CAMSAP1: variants seen among roughly 807,000 people sequenced by gnomAD.
The protein encoded by CAMSAP1 is calmodulin-regulated spectrin-associated protein 1.
In CAMSAP1, 58 loss-of-function variants were observed where a neutral mutation model predicts 143.5. The observed-to-expected ratio is 0.40, with a 90% CI of 0.33 to 0.50. The LOEUF (loss-of-function observed/expected upper bound fraction) is 0.50, where lower values mean the gene tolerates loss of function less well. Ranked by LOEUF, CAMSAP1 falls within the 20% of genes least tolerant of loss-of-function variation. The pLI is 0.45. For synonymous variants in CAMSAP1, 945 were observed against 859.3 expected, an observed-to-expected ratio of 1.10 and a Z score of -1.74; for missense variants, 1,969 against 2,115.7, an observed-to-expected ratio of 0.93 and a Z score of 1.36.
chr9:135,886,194 GA>G (rs1166621852), intron 1 of CAMSAP1, among the ~76,000 whole-genome samples: 1 of 152,152 alleles, frequency 6.6e-6, no homozygotes, highest in Non-Finnish European at 1.5e-5. Context: ...ATGTGAGCCA[GA>G]AAATGTACAA....
chr9:135,867,477 CTTTT>C lies in CAMSAP1; in HGVS notation c.586-945_586-942del, dbSNP rs547781628. Among the ~76,000 whole-genome samples the C allele has an allele frequency of 2.5e-3, 342 of 139,548 alleles. 1 individual carries two copies. The highest frequency in any genetic ancestry group is 8.7e-3 in the African/African-American group (325 of 37,490). 91.5% of individuals were successfully genotyped at this position (139,548 alleles called of 152,430 possible). On this transcript the variant is annotated intron_variant, in intron 3 of 16. Coordinates refer to ENST00000389532, the MANE Select transcript of CAMSAP1 (RefSeq NM_015447.4). ...CTAGGCAACACAGCAAGACCCCCCTCTTTTTTTTTTTTAAAAAAAAAGTCTGTAA... is the reference window on the plus strand; with the variant it reads ...CTAGGCAACACAGCAAGACCCCCCTCTTTTTTTTAAAAAAAAAGTCTGTAA...
At chr9:135,814,512 G>A (rs572174273) in intron 16 of CAMSAP1, among the ~76,000 whole-genome samples, 42 of 152,216 alleles carry the variant, frequency 2.8e-4, no homozygotes, top group Admixed American at 6.5e-4. Context: ...CCTAGACCCC[G>A]TGCAGGACCC....
At chr9:135,884,006 C>T (rs993842612) in intron 1 of CAMSAP1, among the ~76,000 whole-genome samples, 1 of 152,236 alleles carries the variant, frequency 6.6e-6, no homozygotes, top group Non-Finnish European at 1.5e-5. Context: ...CTATGCCCCT[C>T]ACACTGTCTC....
intron 7 of CAMSAP1, among the ~76,000 whole-genome samples, chr9:135,842,374 C>A (rs1295513639): frequency 1.3e-5 from 2 of 152,148 alleles, no homozygotes; most frequent in African/African-American, 4.8e-5. Flanking sequence ...CTACGTTTGA[C>A]TGATGTACCT....
At chr9:135,852,352 G>A (rs1836812839) in intron 5 of CAMSAP1, among the ~76,000 whole-genome samples, 1 of 152,086 alleles carries the variant, frequency 6.6e-6, no homozygotes, top group African/African-American at 2.4e-5. Flanking sequence ...ATTTTGATAT[G>A]GTTACATTTA....
chr9:135,867,148 G>C (rs1279218059), intron 3 of CAMSAP1, among the ~76,000 whole-genome samples: 1 of 152,000 alleles, frequency 6.6e-6, no homozygotes, highest in Non-Finnish European at 1.5e-5. Context: ...GCCATGATCA[G>C]ACAAAAAGAC....
chr9:135,897,845 G>A (rs1014994993), intron 1 of CAMSAP1, among the ~76,000 whole-genome samples: 2 of 152,126 alleles, frequency 1.3e-5, no homozygotes, highest in African/African-American at 4.8e-5. Context: ...ATATATTCAG[G>A]CCACAGTTGA....
At position 135,819,093 on chromosome 9, in the gene CAMSAP1, C is replaced by T. The variant is rs1164930697; in HGVS notation, c.3876G>A (p.Leu1292=). The T allele has an allele frequency of 4.4e-6, 7 of 1,603,402 alleles. No individual in the cohort carries two copies. In the South Asian group the frequency reaches 4.5e-5, roughly 10 times the overall value. ...CCTCCTCGGCCTTGCGCTGCTGCTT[C>T]AGGAGGAAGGCCGCCCGCTTCTTGG... ...ELAKKRAAFL[L]KQQRKAEEAR... The change falls in exon 12 of 17, where the codon CTG becomes CTA. Residue 1292 remains leucine, a synonymous_variant. Transcript: ENST00000389532.
chr9:135,906,119 G>A (rs986050967), intron 1 of CAMSAP1, among the ~76,000 whole-genome samples: 3 of 152,200 alleles, frequency 2.0e-5, no homozygotes, highest in African/African-American at 7.2e-5. Flanking sequence ...GTCTAGCTGG[G>A]GCACAGGCCA....
chr9:135,900,416 G>A (rs113355823), intron 1 of CAMSAP1, among the ~76,000 whole-genome samples: 2,761 of 152,140 alleles, frequency 0.018, 92 homozygotes, highest in African/African-American at 0.064. Context: ...AAAGAGGGCC[G>A]GGCACGGTGG....
In CAMSAP1 at chr9:135,818,138, T is replaced by C; in HGVS notation, c.4169-59A>G. 3 of 1,528,832 alleles carry C rather than the reference T, an allele frequency of 2.0e-6. No homozygotes were observed. Among genetic ancestry groups the C allele is most frequent in the Non-Finnish European group, 2.7e-6 (3 of 1,110,616 alleles). The allele number at this position is 1,528,832 out of a possible 1,614,324, so 94.7% of individuals were successfully genotyped here. A position where few individuals can be genotyped will look rare whatever the true frequency, so the allele number is the denominator to read the frequency against. ...ACGGATTCCGACAGACAAGTACCTG[T>C]CCCCTGTACCTGTTCCCCTCACCTC... On this transcript the variant is annotated intron_variant, in intron 13 of 16. Transcript: ENST00000389532. This position sits in a 1 kb window ranked among gnomAD's most constrained non-coding sequence, Gnocchi z 7.7.
At chr9:135,888,986 CAGA>C (rs947156597) in intron 1 of CAMSAP1, among the ~76,000 whole-genome samples, 1 of 152,228 alleles carries the variant, frequency 6.6e-6, no homozygotes, top group African/African-American at 2.4e-5. Context: ...GGCTTCCAGC[CAGA>C]AGGCCAGCAA....
chr9:135,889,885 G>A (rs1292981215), intron 1 of CAMSAP1, among the ~76,000 whole-genome samples: 2 of 152,136 alleles, frequency 1.3e-5, no homozygotes, highest in East Asian at 1.9e-4. Context: ...TCCTCTCCCC[G>A]TAAGCTCCCA....
At position 135,860,053 on chromosome 9, in the gene CAMSAP1, AAAT is replaced by A. The variant is rs1450643339; in HGVS notation, c.808+2411_808+2413del. On this transcript the variant is annotated intron_variant, in intron 5 of 16. Coordinates refer to ENST00000389532, the MANE Select transcript of CAMSAP1 (RefSeq NM_015447.4). ...AACCCTATCTCCACAAAAAAAAAAAAAATAAAAAAATACAAAAGTTAGCCAGGC... is the reference window on the plus strand; with the variant it reads ...AACCCTATCTCCACAAAAAAAAAAAAAAAAAAATACAAAAGTTAGCCAGGC... 7.1e-3 allele frequency among the ~76,000 whole-genome samples: 1,064 copies of A among 150,774 alleles called. 24 individuals carry two copies. The highest frequency in any genetic ancestry group is 0.025 in the African/African-American group (1,021 of 40,800).
At position 135,823,941 on chromosome 9, in the gene CAMSAP1, CAG is replaced by C; in HGVS notation, c.1400+7_1400+8del. On this transcript the variant is annotated splice_region_variant and intron_variant, in intron 10 of 16. Transcript: ENST00000389532. Reference sequence around the variant, plus strand: ...TCCAAACAGAAACACTGCTGAAACACAGACTCACCTGGTTTTTTTTTCTGGCC... The same window carrying C: ...TCCAAACAGAAACACTGCTGAAACACACTCACCTGGTTTTTTTTTCTGGCC... 1 of 1,567,760 alleles carries C rather than the reference CAG, an allele frequency of 6.4e-7. No homozygotes were observed. Among genetic ancestry groups the C allele is most frequent in the Non-Finnish European group, 8.7e-7 (1 of 1,154,748 alleles).
chr9:135,905,570 G>A (rs2131039706), intron 1 of CAMSAP1, among the ~76,000 whole-genome samples: 1 of 152,346 alleles, frequency 6.6e-6, no homozygotes, highest in East Asian at 1.9e-4. Flanking sequence ...AGTCCTCAGT[G>A]AGACACTCCA....
intron 3 of CAMSAP1, among the ~76,000 whole-genome samples, chr9:135,874,873 A>C (rs188861536): frequency 3.3e-5 from 5 of 152,346 alleles, no homozygotes; most frequent in African/African-American, 1.2e-4. Context: ...GACTAGTAAC[A>C]AACAACTGGA....
At chr9:135,877,442 T>A (rs1049655417) in intron 3 of CAMSAP1, among the ~76,000 whole-genome samples, 10 of 143,302 alleles carry the variant, frequency 7.0e-5, no homozygotes, top group South Asian at 6.6e-4. Flanking sequence ...TTATCAAAAC[T>A]CAAGGAAAAA....
At position 135,810,994 on chromosome 9, in the gene CAMSAP1, G is replaced by A. The variant is rs751472117; in HGVS notation, c.*315C>T. On this transcript the variant is annotated 3_prime_UTR_variant, in exon 17 of 17. Transcript: ENST00000389532. The stretch of plus-strand genomic sequence containing the variant: ...TTCAAGTAAGGGAGCTCCGTGGCCC[G>A]GGACCTGGCTGTGAACACCCTCCGC... The A allele has an allele frequency of 2.4e-5, 9 of 379,122 alleles. No homozygotes were observed. Among genetic ancestry groups the A allele is most frequent in the East Asian group, 1.1e-4 (2 of 18,768 alleles). 23.5% of individuals were successfully genotyped at this position (379,122 alleles called of 1,614,324 possible). A position where few individuals can be genotyped will look rare whatever the true frequency, so the allele number is the denominator to read the frequency against.
Sources: gnomAD v4.1 joint callset for allele counts (sites outside exome capture counted in the v4.1 genomes callset) on GRCh38, gnomAD v4.1.1 for gene constraint, Gnocchi (gnomAD v3.1) non-coding constraint, MANE v1.5 for transcripts, NCBI Gene and HGNC (gene_info 2026-07-23, HGNC 2026-07-21) for gene names.